AFG1L: variants seen among roughly 807,000 people sequenced by gnomAD.
The protein encoded by AFG1L is AFG1 like ATPase.
AFG1L carries 53 observed loss-of-function variants against 62.2 expected under a neutral mutation model. The observed-to-expected ratio is 0.85, with a 90% confidence interval of 0.68 to 1.07. The LOEUF is 1.07. Ranked by LOEUF, AFG1L falls within the 50% of genes least tolerant of loss-of-function variation. AFG1L has a pLI of 0.00. For missense variants in AFG1L, 555 were observed against 590.5 expected, an observed-to-expected ratio of 0.94 and a Z score of 0.62; for synonymous variants, 228 against 210.3, an observed-to-expected ratio of 1.08 and a Z score of -0.73.
At chr6:108,464,011 G>A (rs1582624242) in intron 8 of AFG1L, among the ~76,000 whole-genome samples, 1 of 152,286 alleles carries the variant, frequency 6.6e-6, no homozygotes, top group East Asian at 1.9e-4. Context: ...AACTCTAAGA[G>A]GAAGGGGAAA....
chr6:108,450,750 T>C (rs1184858380), intron 8 of AFG1L, among the ~76,000 whole-genome samples: 2 of 152,176 alleles, frequency 1.3e-5, no homozygotes, highest in African/African-American at 4.8e-5. Context: ...ATTTAAGTCT[T>C]AAATCCATCT....
intron 6 of AFG1L, among the ~76,000 whole-genome samples, chr6:108,368,566 G>A (rs909873241): frequency 2.6e-5 from 4 of 152,156 alleles, no homozygotes; most frequent in African/African-American, 9.7e-5. Flanking sequence ...GCCACCCTAT[G>A]AGCCAAGGGA....
intron 10 of AFG1L, among the ~76,000 whole-genome samples, chr6:108,482,473 A>C (rs956297897): frequency 6.6e-6 from 1 of 152,166 alleles, no homozygotes; most frequent in Non-Finnish European, 1.5e-5. Context: ...TCTTACATTC[A>C]TATGGTATAT....
chr6:108,317,632 T>C (rs1562470894), intron 1 of AFG1L, among the ~76,000 whole-genome samples: 1 of 152,156 alleles, frequency 6.6e-6, no homozygotes, highest in Non-Finnish European at 1.5e-5. Flanking sequence ...TTTAGCAGAG[T>C]TCAGGCTCCT....
At chr6:108,450,055 T>G (rs1285313275) in intron 8 of AFG1L, among the ~76,000 whole-genome samples, 2 of 152,240 alleles carry the variant, frequency 1.3e-5, no homozygotes, top group African/African-American at 4.8e-5. Context: ...AGTGCCACAA[T>G]AAACATACGT....
chr6:108,354,738 A>G (rs1779202649), intron 3 of AFG1L, among the ~76,000 whole-genome samples: 1 of 152,146 alleles, frequency 6.6e-6, no homozygotes, highest in African/African-American at 2.4e-5. Context: ...AGGCCTCTTC[A>G]TGCTACTCAG....
intron 8 of AFG1L, among the ~76,000 whole-genome samples, chr6:108,466,208 A>G (rs2114789669): frequency 6.6e-6 from 1 of 152,300 alleles, no homozygotes; most frequent in East Asian, 1.9e-4. Flanking sequence ...CACTGGTGGG[A>G]GTATAAATTG....
chr6:108,518,615 C>T (rs958841392), intron 11 of AFG1L, among the ~76,000 whole-genome samples: 5 of 151,880 alleles, frequency 3.3e-5, no homozygotes, highest in Non-Finnish European at 5.9e-5. Context: ...CAAACCTGCA[C>T]GTTGTGCACA....
intron 7 of AFG1L, among the ~76,000 whole-genome samples, chr6:108,429,326 G>A (rs75875239): frequency 0.11 from 17,052 of 152,158 alleles, 1,188 homozygotes; most frequent in South Asian, 0.19. Context: ...GGCGAATGAC[G>A]AGCAAAGTCA....
intron 1 of AFG1L, among the ~76,000 whole-genome samples, chr6:108,308,015 C>A (rs1777270164): frequency 6.6e-6 from 1 of 152,052 alleles, no homozygotes; most frequent in Non-Finnish European, 1.5e-5. Context: ...AGTTGTAGTT[C>A]TTTATATAAT....
intron 7 of AFG1L, among the ~76,000 whole-genome samples, chr6:108,434,087 T>A (rs979827881): frequency 6.6e-6 from 1 of 152,188 alleles, no homozygotes; most frequent in Non-Finnish European, 1.5e-5. Flanking sequence ...TAAATATACA[T>A]ATTGAACAGG....
rs371586428 is a variant in AFG1L, at chr6:108,323,921, A to G, written c.236A>G (p.Tyr79Cys). The change falls in exon 2 of 13, where the codon TAT becomes TGT. Residue 79 changes from tyrosine (Y) to cysteine (C), a missense_variant. Transcript: ENST00000368977. Reference protein sequence around the residue: ...LAVCHGPLDHYDFLIKAHELK... With the variant: ...LAVCHGPLDHCDFLIKAHELK... ...GTTTGCCATGGACCTCTGGACCACT[A>G]TGATTTTCTGATCAAAGCTCATGAG... 22 of 1,614,070 alleles carry G rather than the reference A, an allele frequency of 1.4e-5. No homozygotes were observed. In the East Asian group the frequency reaches 1.6e-4, roughly 11 times the overall value.
chr6:108,522,017 A>G (rs1002497671), intron 12 of AFG1L: 18 of 245,612 alleles, frequency 7.3e-5, no homozygotes, highest in African/African-American at 3.9e-4. Context: ...TCTCAGAACT[A>G]CTGGTTTTTT....
At chr6:108,324,843 C>A (rs1408394423) in intron 2 of AFG1L, among the ~76,000 whole-genome samples, 1 of 152,074 alleles carries the variant, frequency 6.6e-6, no homozygotes, top group Non-Finnish European at 1.5e-5. Flanking sequence ...CAAGCGTGGA[C>A]CACCACACTC....
intron 10 of AFG1L, among the ~76,000 whole-genome samples, chr6:108,508,455 C>T (rs1305710963): frequency 1.3e-5 from 2 of 152,164 alleles, no homozygotes; most frequent in African/African-American, 4.8e-5. Context: ...GCGGAGCTTG[C>T]CTCCTCCTGG....
At chr6:108,404,455 T>A (rs1052859451) in intron 7 of AFG1L, among the ~76,000 whole-genome samples, 3 of 152,096 alleles carry the variant, frequency 2.0e-5, no homozygotes, top group African/African-American at 7.2e-5. Flanking sequence ...TGGCCCAACA[T>A]GTGGACAATT....
chr6:108,505,079 A>ATTTTTTT (rs34326858), intron 10 of AFG1L, among the ~76,000 whole-genome samples: 1 of 142,890 alleles, frequency 7.0e-6, no homozygotes. Flanking sequence ...CTGAGCTTGG[A>ATTTTTTT]TTTTTTTTTT....
intron 7 of AFG1L, among the ~76,000 whole-genome samples, chr6:108,403,654 T>C (rs1396856593): frequency 1.3e-5 from 2 of 152,090 alleles, no homozygotes; most frequent in Non-Finnish European, 2.9e-5. Flanking sequence ...GATACCAAAA[T>C]ATAAAGAGGA....
chr6:108,381,293 A>G (rs1174374810), intron 6 of AFG1L, among the ~76,000 whole-genome samples: 1 of 151,830 alleles, frequency 6.6e-6, no homozygotes, highest in Non-Finnish European at 1.5e-5. Context: ...TCATTCAGCA[A>G]TTTTGTCATT....
Sources: allele counts gnomAD v4.1 joint callset (sites outside exome capture counted in the v4.1 genomes callset), GRCh38; gene constraint gnomAD v4.1.1; transcripts MANE v1.5; gene names NCBI Gene and HGNC (gene_info 2026-07-23, HGNC 2026-07-21).